The following PARD3B variants were observed in gnomAD, a reference collection of about 807,000 sequenced individuals.
The protein encoded by PARD3B is partitioning defective 3 homolog B.
Under a neutral mutation model 130.2 loss-of-function variants are expected in PARD3B, and 103 were observed. The ratio of observed to expected loss-of-function variants is 0.79; its 90% CI spans 0.67 to 0.93. The LOEUF is 0.93. Ranked by LOEUF, PARD3B falls within the 40% of genes least tolerant of loss-of-function variation. PARD3B has a pLI of 0.00. For missense variants in PARD3B, 1,609 were observed against 1,499.2 expected (o/e 1.07, Z -1.21); for synonymous variants, 583 against 553.2 (o/e 1.05, Z -0.76).
chr2:205,167,604 T>C (rs2034893381), intron 11 of PARD3B, among the ~76,000 whole-genome samples: 1 of 152,230 alleles, frequency 6.6e-6, no homozygotes, highest in African/African-American at 2.4e-5. Flanking sequence ...ACAGGGTTTC[T>C]ATAAGGAGTA....
At chr2:205,430,025 A>G (rs2047275433) in intron 19 of PARD3B, among the ~76,000 whole-genome samples, 1 of 152,220 alleles carries the variant, frequency 6.6e-6, no homozygotes, top group African/African-American at 2.4e-5. Context: ...ATTTGTCATC[A>G]GATGTAGAGC....
chr2:204,991,284 A>T (rs989393634), intron 3 of PARD3B, among the ~76,000 whole-genome samples: 35 of 137,062 alleles, frequency 2.6e-4, no homozygotes, highest in African/African-American at 9.6e-4. Context: ...TGTCCATGTG[A>T]TCTCATTGTT....
chr2:204,886,875 A>G (rs1254741558), intron 2 of PARD3B, among the ~76,000 whole-genome samples: 1 of 152,176 alleles, frequency 6.6e-6, no homozygotes, highest in Non-Finnish European at 1.5e-5. Context: ...TGTGTTTAAC[A>G]TCAGGGTGTC....
At position 205,015,357 on chromosome 2, in the gene PARD3B, G is replaced by C. The variant is rs1696060160; in HGVS notation, c.395-32224G>C. Reference sequence around the variant, plus strand: ...AAGGGGTTGGTCTTGCTCTCTCAGGGGTGGCAGAGGTGAAAGAAAATCCAT... The same window carrying C: ...AAGGGGTTGGTCTTGCTCTCTCAGGCGTGGCAGAGGTGAAAGAAAATCCAT... On this transcript the variant is annotated intron_variant, in intron 3 of 22. Coordinates refer to ENST00000406610, the MANE Select transcript of PARD3B (RefSeq NM_001302769.2). The surrounding 1 kb of genome is among the most constrained non-coding windows in gnomAD (Gnocchi z 4.5). 6.6e-6 allele frequency among the ~76,000 whole-genome samples: 1 copy of C among 152,104 alleles called. No homozygotes were observed. Among genetic ancestry groups the C allele is most frequent in the Admixed American group, 6.6e-5 (1 of 15,266 alleles).
intron 1 of PARD3B, among the ~76,000 whole-genome samples, chr2:204,591,583 T>G (rs1187539621): frequency 6.6e-6 from 1 of 152,164 alleles, no homozygotes; most frequent in Non-Finnish European, 1.5e-5. Flanking sequence ...AGTAGGGAAA[T>G]TAGAACAATA....
chr2:205,186,050 A>G (rs1394704645), intron 14 of PARD3B, among the ~76,000 whole-genome samples, 187 bp downstream of exon 14: 1 of 152,182 alleles, frequency 6.6e-6, no homozygotes, highest in Non-Finnish European at 1.5e-5. Flanking sequence ...TAGATTGGGC[A>G]TATTTTGCTT....
chr2:205,516,872 G>C (rs888678372), intron 21 of PARD3B, among the ~76,000 whole-genome samples: 2 of 152,020 alleles, frequency 1.3e-5, no homozygotes, highest in East Asian at 3.9e-4. Flanking sequence ...TCCAGTTTTT[G>C]CCCATTTAGT....
intron 1 of PARD3B, among the ~76,000 whole-genome samples, chr2:204,615,192 T>G: frequency 6.6e-6 from 1 of 152,286 alleles, no homozygotes; most frequent in Non-Finnish European, 1.5e-5. Context: ...GATGAATATT[T>G]TCATAGTCTT....
intron 2 of PARD3B, among the ~76,000 whole-genome samples, chr2:204,861,162 T>TTCTC (rs60740602): frequency 0.029 from 2,653 of 91,202 alleles, 145 homozygotes; most frequent in East Asian, 0.082. Context: ...CCTAATACCT[T>TTCTC]TCTCTCTCTC....
chr2:205,054,437 T>TATATATATATATATATA (rs1491373014), intron 4 of PARD3B, among the ~76,000 whole-genome samples: 30 of 27,434 alleles, frequency 1.1e-3, no homozygotes, highest in South Asian at 2.3e-3. Context: ...TATATATATA[T>TATATATATATATATATA]TTTTTTTTTT....
intron 2 of PARD3B, among the ~76,000 whole-genome samples, chr2:204,724,204 G>C (rs1331150220): frequency 6.6e-6 from 1 of 152,070 alleles, no homozygotes; most frequent in African/African-American, 2.4e-5. Context: ...GTTAAGAAAA[G>C]TTTCATTGGC....
In PARD3B at chr2:204,596,265, A is replaced by C. The variant is rs186877003; in HGVS notation, c.120+50146A>C. Among the ~76,000 whole-genome samples, 461 of 152,264 alleles carry C rather than the reference A, an allele frequency of 3.0e-3. 3 individuals are homozygous for C. The highest frequency in any genetic ancestry group is 0.01 in the African/African-American group (423 of 41,546). On this transcript the variant is annotated intron_variant, in intron 1 of 22. Transcript: ENST00000406610. ...ATAGATTATGAGCCTTCCTTACCCC[A>C]CAAGTATCCATCATCCAGCTCTTCA...
intron 2 of PARD3B, among the ~76,000 whole-genome samples, chr2:204,756,018 C>G (rs1006615502): frequency 2.0e-5 from 3 of 151,994 alleles, no homozygotes; most frequent in Non-Finnish European, 4.4e-5. Context: ...GCTTTACTTC[C>G]AAGAGCATTT....
In PARD3B at chr2:205,596,447, G is replaced by A. The variant is rs539666301; in HGVS notation, c.3261-19009G>A. 2.6e-5 allele frequency among the ~76,000 whole-genome samples: 4 copies of A among 152,320 alleles called. No individual in the cohort carries two copies. The East Asian group carries it at 7.7e-4, about 29-fold the overall frequency. On this transcript the variant is annotated intron_variant, in intron 22 of 22. Coordinates refer to ENST00000406610, the MANE Select transcript of PARD3B (RefSeq NM_001302769.2). Reference sequence around the variant, plus strand: ...GAGCTGGATTCTGGATGGGAGGGCTGTGGGGGGCCAACAGCAGATACTTGT... The same window carrying A: ...GAGCTGGATTCTGGATGGGAGGGCTATGGGGGGCCAACAGCAGATACTTGT...
At chr2:204,643,915 G>A (rs527755361) in intron 1 of PARD3B, among the ~76,000 whole-genome samples, 2 of 152,276 alleles carry the variant, frequency 1.3e-5, no homozygotes, top group South Asian at 4.1e-4. Flanking sequence ...GTAGAAGCCT[G>A]ACTGCGAGGA....
chr2:205,522,316 C>T lies in PARD3B; in HGVS notation c.3180+22285C>T, dbSNP rs1022650644. On this transcript the variant is annotated intron_variant, in intron 21 of 22. Coordinates refer to ENST00000406610, the MANE Select transcript of PARD3B (RefSeq NM_001302769.2). ...TCTAAGTATTCTAAAATATTAAAGACTTTATTTTTCCTTTGATCAAGAATG... is the reference window on the plus strand; with the variant it reads ...TCTAAGTATTCTAAAATATTAAAGATTTTATTTTTCCTTTGATCAAGAATG... Among the ~76,000 whole-genome samples, 7 of 149,872 alleles carry T rather than the reference C, an allele frequency of 4.7e-5. No individual in the cohort carries two copies. The South Asian group carries it at 8.3e-4, about 18-fold the overall frequency.
At chr2:205,332,407 G>A (rs988090096) in intron 18 of PARD3B, among the ~76,000 whole-genome samples, 1 of 152,078 alleles carries the variant, frequency 6.6e-6, no homozygotes, top group African/African-American at 2.4e-5. Flanking sequence ...CCTTTTATGG[G>A]AGAAAAAGAG....
chr2:204,882,349 C>A (rs1479933940), intron 2 of PARD3B, among the ~76,000 whole-genome samples: 3 of 152,136 alleles, frequency 2.0e-5, no homozygotes, highest in African/African-American at 7.2e-5. Flanking sequence ...TTCTAGATTA[C>A]CTCTTTTGGA....
rs555410693 is a variant in PARD3B, at chr2:204,624,646, T to C, written c.121-61535T>C. Among the ~76,000 whole-genome samples, 59 of 152,294 alleles carry C rather than the reference T, an allele frequency of 3.9e-4. 1 individual carries two copies. In the South Asian group the frequency reaches 0.012, roughly 30 times the overall value. On this transcript the variant is annotated intron_variant, in intron 1 of 22. Transcript: ENST00000406610. Reference sequence around the variant, plus strand: ...ATTCACCTATCGTGGACATTCTGCTTGTTTCCAGTTTTTGGTTATCATAAA... The same window carrying C: ...ATTCACCTATCGTGGACATTCTGCTCGTTTCCAGTTTTTGGTTATCATAAA...
Sources: gnomAD v4.1 joint callset for allele counts (sites outside exome capture counted in the v4.1 genomes callset) on GRCh38, gnomAD v4.1.1 for gene constraint, Gnocchi (gnomAD v3.1) non-coding constraint, MANE v1.5 for transcripts, NCBI Gene and HGNC (gene_info 2026-07-23, HGNC 2026-07-21) for gene names.